Variants in ARMC3 observed in about 807,000 individuals in gnomAD.
ARMC3 encodes armadillo repeat-containing protein 3.
ARMC3 carries 74 observed loss-of-function variants against 90.3 expected under a neutral mutation model. The ratio of observed to expected loss-of-function variants is 0.82; its 90% confidence interval spans 0.68 to 0.99. The LOEUF is 0.99. Among genes scored for constraint, ARMC3 ranks in the 50% least tolerant of loss-of-function variants. The pLI, the probability that ARMC3 is intolerant of heterozygous loss-of-function variation, is 0.00. For missense variants in ARMC3, 958 were observed against 1,042.8 expected (o/e 0.92, Z 1.12); for synonymous variants, 334 against 361.8 (o/e 0.92, Z 0.87).
chr10:23,034,084 C>T (rs79554823), intron 18 of ARMC3, among the ~76,000 whole-genome samples: 3,196 of 152,222 alleles, frequency 0.021, 114 homozygotes, highest in African/African-American at 0.073. Context: ...CAGTTCCAAG[C>T]GAATTCTATT....
intron 8 of ARMC3, among the ~76,000 whole-genome samples, chr10:22,978,526 A>G (rs1025550729): frequency 1.2e-4 from 19 of 152,226 alleles, no homozygotes; most frequent in Non-Finnish European, 2.9e-5. Context: ...GTTTGGGGAC[A>G]CAGCCAAACC....
At chr10:22,998,436 G>C (rs1029385045) in intron 11 of ARMC3, 39 bp downstream of exon 11, 4 of 1,607,372 alleles carry the variant, frequency 2.5e-6, no homozygotes, top group Non-Finnish European at 3.4e-6. Flanking sequence ...CATTTTTCTG[G>C]TTAGTACCTA....
chr10:22,933,460 T>C (rs1475992538), intron 2 of ARMC3, among the ~76,000 whole-genome samples: 2 of 152,218 alleles, frequency 1.3e-5, no homozygotes, highest in African/African-American at 4.8e-5. Context: ...ACTCCAATCC[T>C]TGGGGACACA....
In ARMC3 at chr10:23,008,372, C is replaced by T. The variant is rs11817610; in HGVS notation, c.1926C>T (p.Asn642=). Residue 642 remains asparagine (N), a splice_region_variant and synonymous_variant, in exon 15 of 19, where the codon AAC becomes AAT. Transcript: ENST00000298032. ...SSLRRSSKEK[N]KKNSYHFSAG... is the part of the protein sequence containing the mutation. ...TAAGAAGATCAAGTAAAGAAAAGAA[C>T]AAGTAAGAAAATGATGTTTTATCTG... The T allele has an allele frequency of 0.59, 823,987 of 1,400,864 alleles. 247,090 individuals are homozygous for T. The highest frequency in any genetic ancestry group is 0.61 in the Non-Finnish European group (617,777 of 1,013,948). The allele number at this position is 1,400,864 out of a possible 1,614,324, so 86.8% of individuals were successfully genotyped here.
chr10:22,941,959 A>T (rs1336102418), intron 2 of ARMC3, among the ~76,000 whole-genome samples: 1 of 152,204 alleles, frequency 6.6e-6, no homozygotes, highest in African/African-American at 2.4e-5. Context: ...ACATTCTTTG[A>T]GAATGGTTGG....
chr10:23,027,329 C>A (rs1808032112), intron 16 of ARMC3, among the ~76,000 whole-genome samples: 1 of 152,114 alleles, frequency 6.6e-6, no homozygotes, highest in African/African-American at 2.4e-5. Context: ...GCACATAGAT[C>A]ATGTAGGAAT....
At chr10:22,928,287 C>T (rs149472270) in intron 1 of ARMC3, among the ~76,000 whole-genome samples, 181 bp downstream of exon 1, 13 of 152,284 alleles carry the variant, frequency 8.5e-5, no homozygotes, top group African/African-American at 2.9e-4. Context: ...GTTTCGTAAG[C>T]ATCCCGCCAC....
intron 12 of ARMC3, 138 bp downstream of exon 12, chr10:23,002,193 G>A (rs1040118792): frequency 6.2e-6 from 8 of 1,300,210 alleles, no homozygotes; most frequent in East Asian, 5.4e-5. Context: ...TCCCCAGGGC[G>A]GGCCTTGGCT....
intron 13 of ARMC3, among the ~76,000 whole-genome samples, chr10:23,005,695 C>A (rs533585471): frequency 2.0e-4 from 30 of 152,206 alleles, no homozygotes; most frequent in African/African-American, 5.5e-4. Flanking sequence ...GAAACCCTGT[C>A]TCTACTAAAA....
chr10:23,007,384 G>A (rs1052832755), intron 14 of ARMC3, among the ~76,000 whole-genome samples: 5 of 152,104 alleles, frequency 3.3e-5, no homozygotes, highest in Non-Finnish European at 7.4e-5. Flanking sequence ...AAATGATAGA[G>A]CTAAAAATTA....
At chr10:22,971,115 C>T (rs1340188082) in intron 8 of ARMC3, among the ~76,000 whole-genome samples, 1 of 152,118 alleles carries the variant, frequency 6.6e-6, no homozygotes, top group Non-Finnish European at 1.5e-5. Context: ...ACTCTAGATC[C>T]CTCATATATA....
intron 16 of ARMC3, among the ~76,000 whole-genome samples, chr10:23,015,746 A>G (rs1355134753): frequency 6.6e-6 from 1 of 152,154 alleles, no homozygotes; most frequent in Non-Finnish European, 1.5e-5. Flanking sequence ...CTTTTTACCC[A>G]TAACTTAAAC....
At chr10:22,975,524 C>G (rs1272437220) in intron 8 of ARMC3, among the ~76,000 whole-genome samples, 2 of 152,190 alleles carry the variant, frequency 1.3e-5, no homozygotes. Context: ...AAGATCGCAC[C>G]ATCGCACTCC....
At chr10:23,014,485 G>A in intron 16 of ARMC3, 1 of 1,028,702 alleles carries the variant, frequency 9.7e-7, no homozygotes, top group Non-Finnish European at 1.2e-6. Context: ...GCATTCGTCT[G>A]AAAAGCCATT....
At chr10:22,999,657 G>T (rs1837187646) in intron 11 of ARMC3, among the ~76,000 whole-genome samples, 1 of 152,220 alleles carries the variant, frequency 6.6e-6, no homozygotes, top group South Asian at 2.1e-4. Flanking sequence ...GGAAAATGAG[G>T]CTTAAAGAAA....
intron 8 of ARMC3, among the ~76,000 whole-genome samples, chr10:22,969,276 C>T (rs1346724296): frequency 1.3e-5 from 2 of 152,264 alleles, no homozygotes; most frequent in East Asian, 1.9e-4. Flanking sequence ...AGATTAATTA[C>T]AGCACAAGCA....
At chr10:22,977,955 C>T (rs971537441) in intron 8 of ARMC3, among the ~76,000 whole-genome samples, 1 of 152,202 alleles carries the variant, frequency 6.6e-6, no homozygotes, top group African/African-American at 2.4e-5. Flanking sequence ...CATTTTTGGG[C>T]AGTACTGCCC....
At chr10:22,930,537 G>C (rs1053790446) in intron 1 of ARMC3, among the ~76,000 whole-genome samples, 7 of 152,140 alleles carry the variant, frequency 4.6e-5, no homozygotes, top group African/African-American at 1.7e-4. Flanking sequence ...AGCTTGCCCA[G>C]GCCCTCCAAA....
At chr10:22,983,029 A>T (rs1179615108) in intron 10 of ARMC3, among the ~76,000 whole-genome samples, 1 of 152,242 alleles carries the variant, frequency 6.6e-6, no homozygotes, top group Non-Finnish European at 1.5e-5. Context: ...GGTCATCATT[A>T]TCTCTATGAA....
Sources: gnomAD v4.1 joint callset for allele counts (sites outside exome capture counted in the v4.1 genomes callset) on GRCh38, gnomAD v4.1.1 for gene constraint, MANE v1.5 for transcripts, NCBI Gene and HGNC (gene_info 2026-07-23, HGNC 2026-07-21) for gene names.